FGFR1: variants seen among roughly 807,000 people sequenced by gnomAD.
FGFR1 encodes fibroblast growth factor receptor 1.
In FGFR1, 18 loss-of-function variants were observed where a neutral mutation model predicts 93.7. That is an observed-to-expected ratio of 0.19 (90% CI 0.13 to 0.28). The LOEUF (loss-of-function observed/expected upper bound fraction) is 0.28, where lower values mean the gene tolerates loss of function less well. Ranked by LOEUF, FGFR1 falls within the 10% of genes least tolerant of loss-of-function variation. FGFR1 has a pLI of 1.00. For missense variants in FGFR1, 731 were observed against 1,080.4 expected, an observed-to-expected ratio of 0.68 and a Z score of 4.53; for synonymous variants, 448 against 429.3, an observed-to-expected ratio of 1.04 and a Z score of -0.54.
chr8:38,436,418 T>C (rs1222675432), intron 2 of FGFR1, among the ~76,000 whole-genome samples: 3 of 152,090 alleles, frequency 2.0e-5, no homozygotes, highest in African/African-American at 7.2e-5. Context: ...GCCTTATGCT[T>C]TGATGCCAAT....
chr8:38,419,141 G>A lies in FGFR1; in HGVS notation c.1284+392C>T, dbSNP rs548924399. On this transcript the variant is annotated intron_variant, in intron 9 of 17. Coordinates refer to ENST00000447712, the MANE Select transcript of FGFR1 (RefSeq NM_023110.3). ...AACCTCTTTCTTTTGTAAATTGCCC[G>A]GTCTTGGGTATGTCTTTCTCAGCAG... is the stretch of plus-strand genomic sequence containing the variant. 1.4e-4 allele frequency among the ~76,000 whole-genome samples: 22 copies of A among 152,266 alleles called. No homozygotes were observed. In the East Asian group the frequency reaches 2.5e-3, roughly 17 times the overall value.
intron 8 of FGFR1, chr8:38,420,404 G>A (rs1379615354): frequency 6.6e-6 from 1 of 152,272 alleles, no homozygotes; most frequent in Non-Finnish European, 1.5e-5. Flanking sequence ...AGGCAAAGCT[G>A]ACTTAATTTC....
At chr8:38,425,901 A>G in intron 6 of FGFR1, 2 of 613,178 alleles carry the variant, frequency 3.3e-6, no homozygotes, top group East Asian at 3.0e-5. Context: ...TTTCACAGTG[A>G]CAACCAGCTT....
rs374135854 is a variant in FGFR1 at position 38,419,681 on chromosome 8, A to G, written c.1136T>C (p.Ile379Thr). The G allele has an allele frequency of 6.2e-7, 1 of 1,614,010 alleles. No individual in the cohort carries two copies. The highest frequency in any genetic ancestry group is 1.3e-5 in the African/African-American group (1 of 74,908). The change falls in exon 9 of 18, where the codon ATC becomes ACC. Residue 379 changes from isoleucine (I) to threonine (T), a missense_variant. Ile to Thr is a moderately conservative substitution (Grantham distance 89). Transcript: ENST00000447712. The part of the protein sequence containing the change: ...MTSPLYLEII[I>T]YCTGAFLISC... ...GATGAGGAAGGCCCCTGTGCAATAG[A>G]TGATGATCTCCAGGTACAGGGGCGA...
intron 8 of FGFR1, 93 bp from the exon 9 acceptor site, chr8:38,419,828 C>T: frequency 1.8e-6 from 2 of 1,116,730 alleles, no homozygotes. Flanking sequence ...GTCTCCTGTC[C>T]CCTGGGAACT....
At chr8:38,436,066 G>A in intron 2 of FGFR1, among the ~76,000 whole-genome samples, 1 of 152,206 alleles carries the variant, frequency 6.6e-6, no homozygotes, top group African/African-American at 2.4e-5. Flanking sequence ...ACAGGCTCTA[G>A]GTGCCATGTG....
Position 38,411,743 on chromosome 8 carries a change from G to GCC in FGFR1, c.*1884_*1885insGG, listed in dbSNP as rs1241365650. On this transcript the variant is annotated 3_prime_UTR_variant, in exon 18 of 18. Coordinates refer to ENST00000447712, the MANE Select transcript of FGFR1 (RefSeq NM_023110.3). ...GTGAGGACAGTGATGACCAGCAGGTGGCAGAAGTAAATTCCAAGCAGCCAA... is the reference window on the plus strand; with the variant it reads ...GTGAGGACAGTGATGACCAGCAGGTGCCGCAGAAGTAAATTCCAAGCAGCCAA... 1 of 231,342 alleles carries GCC rather than the reference G, an allele frequency of 4.3e-6. No individual in the cohort carries two copies. The highest frequency in any genetic ancestry group is 8.6e-6 in the Non-Finnish European group (1 of 116,598). The allele number at this position is 231,342 out of a possible 1,614,324, so 14.3% of individuals were successfully genotyped here. A position where few individuals can be genotyped will look rare whatever the true frequency, so the allele number is the denominator to read the frequency against.
In FGFR1 at chr8:38,429,543, A is replaced by C; in HGVS notation, c.358+139T>G. ...CAAGCCACGCGGCAGGCAGGGAGCA[A>C]TGTTAGTGGGCAGCAGTTTCTGAAG... On this transcript the variant is annotated intron_variant, in intron 3 of 17. Coordinates refer to ENST00000447712, the MANE Select transcript of FGFR1 (RefSeq NM_023110.3). This position sits in a 1 kb window ranked among gnomAD's most constrained non-coding sequence, Gnocchi z 4.4. The C allele has an allele frequency of 3.1e-6, 3 of 976,442 alleles. No homozygotes were observed. The highest frequency in any genetic ancestry group is 4.6e-6 in the Non-Finnish European group (3 of 647,308). The allele number at this position is 976,442 out of a possible 1,614,324, so 60.5% of individuals were successfully genotyped here. A position where few individuals can be genotyped will look rare whatever the true frequency, so the allele number is the denominator to read the frequency against.
In FGFR1 at chr8:38,417,349, C is replaced by T. The variant is rs2150627359; in HGVS notation, c.1620G>A (p.Lys540=). 6.2e-7 allele frequency: 1 copy of T among 1,614,024 alleles called. No individual in the cohort carries two copies. The highest frequency in any genetic ancestry group is 8.5e-7 in the Non-Finnish European group (1 of 1,180,050). Residue 540 remains lysine, a synonymous_variant, in exon 12 of 18, where the codon AAG becomes AAA. Transcript: ENST00000447712. ...SEMEMMKMIG[K]HKNIINLLGA... ...CCAGCAGGTTGATGATATTCTTATG[C>T]TTCCCGATCATCTTCATCATCTCCA...
At chr8:38,436,379 C>T (rs1014522839) in intron 2 of FGFR1, among the ~76,000 whole-genome samples, 2 of 151,678 alleles carry the variant, frequency 1.3e-5, no homozygotes, top group Admixed American at 1.3e-4. Flanking sequence ...TCAACAACAA[C>T]AAAAAAAGTG....
At chr8:38,436,097 G>A (rs1466410387) in intron 2 of FGFR1, among the ~76,000 whole-genome samples, 1 of 152,142 alleles carries the variant, frequency 6.6e-6, no homozygotes, top group Non-Finnish European at 1.5e-5. Context: ...ATTGCGGACT[G>A]GGTGCAGTGG....
chr8:38,453,818 G>A (rs1049493262), intron 2 of FGFR1, among the ~76,000 whole-genome samples: 2 of 152,098 alleles, frequency 1.3e-5, no homozygotes, highest in Non-Finnish European at 2.9e-5. Context: ...CTTGAACCTG[G>A]GAGGCAGAGG....
At chr8:38,428,190 C>T in intron 4 of FGFR1, 97 bp from the exon 5 acceptor site, 9 of 1,551,298 alleles carry the variant, frequency 5.8e-6, no homozygotes, top group Non-Finnish European at 8.0e-6. Flanking sequence ...GGTGTCTTGC[C>T]CATCTGCCCA....
In FGFR1 at chr8:38,426,359, G is replaced by T; in HGVS notation, c.622-114C>A. 6.9e-7 allele frequency: 1 copy of T among 1,457,132 alleles called. No homozygotes were observed. 90.3% of individuals were successfully genotyped at this position (1,457,132 alleles called of 1,614,324 possible). On this transcript the variant is annotated intron_variant, in intron 5 of 17. Transcript: ENST00000447712. This position sits in a 1 kb window ranked among gnomAD's most constrained non-coding sequence, Gnocchi z 4.1. Reference sequence around the variant, plus strand: ...CCATATCAGAGCCTGGTGGCACAGGGCCCCAGGCTGCAGGGTTGGCTAGGA... The same window carrying T: ...CCATATCAGAGCCTGGTGGCACAGGTCCCCAGGCTGCAGGGTTGGCTAGGA...
At chr8:38,416,716 A>AG (rs1179312153) in intron 12 of FGFR1, among the ~76,000 whole-genome samples, 2 of 151,728 alleles carry the variant, frequency 1.3e-5, no homozygotes, top group Non-Finnish European at 2.9e-5. Flanking sequence ...CACCCTCCCA[A>AG]GGTGCTGGGA....
chr8:38,438,417 C>G (rs1045770621), intron 2 of FGFR1, among the ~76,000 whole-genome samples: 1 of 151,874 alleles, frequency 6.6e-6, no homozygotes, highest in Non-Finnish European at 1.5e-5. Flanking sequence ...GTGATGCACG[C>G]CTGTAATCCC....
Position 38,426,390 on chromosome 8 carries a change from C to T in FGFR1, c.622-145G>A, listed in dbSNP as rs539899978. 1.0e-5 allele frequency: 12 copies of T among 1,154,062 alleles called. No homozygotes were observed. Among genetic ancestry groups the T allele is most frequent in the Non-Finnish European group, 7.7e-6 (6 of 779,978 alleles). 71.5% of individuals were successfully genotyped at this position (1,154,062 alleles called of 1,614,324 possible). ...GGCTGCAGGGTTGGCTAGGACAAGG[C>T]GTGGATTGCCCCCCTACCAGCCCGT... On this transcript the variant is annotated intron_variant, in intron 5 of 17. Coordinates refer to ENST00000447712, the MANE Select transcript of FGFR1 (RefSeq NM_023110.3). The surrounding 1 kb of genome is among the most constrained non-coding windows in gnomAD (Gnocchi z 4.1).
At chr8:38,415,798 T>C (rs1456282259) in intron 13 of FGFR1, 72 bp downstream of exon 13, 1 of 1,465,588 alleles carries the variant, frequency 6.8e-7, no homozygotes. Flanking sequence ...AGATGATAAG[T>C]CACAGGCTGG....
intron 2 of FGFR1, among the ~76,000 whole-genome samples, chr8:38,444,400 T>C (rs1035793368): frequency 6.6e-6 from 1 of 151,816 alleles, no homozygotes; most frequent in Non-Finnish European, 1.5e-5. Context: ...TTTTTTTTTT[T>C]TTCTTTGAGA....
Sources: gnomAD v4.1 joint callset for allele counts (sites outside exome capture counted in the v4.1 genomes callset) on GRCh38, gnomAD v4.1.1 for gene constraint, Gnocchi (gnomAD v3.1) non-coding constraint, MANE v1.5 for transcripts, NCBI Gene and HGNC (gene_info 2026-07-23, HGNC 2026-07-21) for gene names.